HPSE2: variants seen among roughly 807,000 people sequenced by gnomAD.
HPSE2 encodes the protein heparanase 2 (inactive), also known as inactive heparanase-2.
Under a neutral mutation model 60.5 loss-of-function variants are expected in HPSE2, and 38 were observed. The ratio of observed to expected loss-of-function variants is 0.63; its 90% CI spans 0.48 to 0.82. The LOEUF (loss-of-function observed/expected upper bound fraction) is 0.82. Among genes scored for constraint, HPSE2 ranks in the 40% least tolerant of loss-of-function variants. HPSE2 has a pLI of 0.00. For synonymous variants in HPSE2, 295 were observed against 293.2 expected (o/e 1.01, Z -0.06); for missense variants, 713 against 740.4 (o/e 0.96, Z 0.43).
At chr10:98,608,498 C>T (rs1461989883) in intron 9 of HPSE2, among the ~76,000 whole-genome samples, 1 of 152,174 alleles carries the variant, frequency 6.6e-6, no homozygotes, top group Non-Finnish European at 1.5e-5. Context: ...AAAGAACTGC[C>T]TTCCTGTCAG....
At chr10:99,161,818 TGATAAA>T (rs909777609) in intron 2 of HPSE2, among the ~76,000 whole-genome samples, 13 of 152,002 alleles carry the variant, frequency 8.6e-5, no homozygotes, top group African/African-American at 3.1e-4. Flanking sequence ...AAACAAAATG[TGATAAA>T]GACATAAAGA....
intron 6 of HPSE2, among the ~76,000 whole-genome samples, chr10:98,683,641 A>G (rs918088201): frequency 1.3e-5 from 2 of 151,946 alleles, no homozygotes; most frequent in Admixed American, 1.3e-4. Context: ...ATCAGAAAAG[A>G]GAGGAAAAGT....
the HPSE2 span, among the ~76,000 whole-genome samples, chr10:99,271,993 C>T: frequency 6.6e-6 from 1 of 152,172 alleles, no homozygotes; most frequent in Non-Finnish European, 1.5e-5. Flanking sequence ...ATCAACACAC[C>T]TGGGTGCAGT....
chr10:98,531,445 G>A (rs1239116100), intron 9 of HPSE2, among the ~76,000 whole-genome samples: 6 of 152,170 alleles, frequency 3.9e-5, no homozygotes, highest in African/African-American at 1.4e-4. Context: ...CCACATCCAA[G>A]GGTGTCTTCC....
At chr10:98,623,080 T>C (rs1239018342) in intron 7 of HPSE2, among the ~76,000 whole-genome samples, 1 of 152,168 alleles carries the variant, frequency 6.6e-6, no homozygotes, top group Non-Finnish European at 1.5e-5. Flanking sequence ...TTACAGGATA[T>C]TTAATGTTTA....
chr10:98,651,569 AT>A (rs922214713), intron 6 of HPSE2, among the ~76,000 whole-genome samples: 1 of 151,782 alleles, frequency 6.6e-6, no homozygotes, highest in African/African-American at 2.4e-5. Flanking sequence ...AAAATATCGT[AT>A]TTTTTTTCCC....
At chr10:99,124,903 C>A (rs939043024) in intron 3 of HPSE2, among the ~76,000 whole-genome samples, 49 of 152,188 alleles carry the variant, frequency 3.2e-4, no homozygotes, top group African/African-American at 1.2e-3. Flanking sequence ...CTGTGCCTCC[C>A]AAACTGCAGC....
intron 6 of HPSE2, among the ~76,000 whole-genome samples, chr10:98,679,219 T>C (rs1316527386): frequency 1.3e-5 from 2 of 152,198 alleles, no homozygotes; most frequent in Non-Finnish European, 2.9e-5. Context: ...CAATTAGACC[T>C]GCAGATTCCC....
At chr10:98,751,430 G>A (rs1267539223) in intron 3 of HPSE2, among the ~76,000 whole-genome samples, 2 of 152,162 alleles carry the variant, frequency 1.3e-5, no homozygotes, top group Non-Finnish European at 2.9e-5. Context: ...GTTCAATACT[G>A]TTCTTTTCTT....
chr10:98,831,392 C>CTACG (rs1933096492), intron 3 of HPSE2, among the ~76,000 whole-genome samples: 1 of 152,254 alleles, frequency 6.6e-6, no homozygotes, highest in South Asian at 2.1e-4. Context: ...CTATGCTGTA[C>CTACG]TACGAATCAA....
At chr10:99,236,323 T>C (rs185935183), upstream of HPSE2, among the ~76,000 whole-genome samples, 1 of 152,144 alleles carries the variant, frequency 6.6e-6, no homozygotes, top group African/African-American at 2.4e-5. Flanking sequence ...CGTCCTTCCC[T>C]GAGAGGCTCT....
chr10:99,276,657 A>G, the HPSE2 span, among the ~76,000 whole-genome samples: 4 of 152,076 alleles, frequency 2.6e-5, no homozygotes, highest in African/African-American at 9.7e-5. Context: ...ATAAGCTGCT[A>G]TTAGTAATAG....
intron 3 of HPSE2, among the ~76,000 whole-genome samples, chr10:98,915,965 C>T (rs1954110267): frequency 6.6e-6 from 1 of 151,938 alleles, no homozygotes; most frequent in Non-Finnish European, 1.5e-5. Flanking sequence ...ACTTTTTTTT[C>T]CACATAGGAT....
At chr10:98,964,497 T>C (rs1955763631) in intron 3 of HPSE2, among the ~76,000 whole-genome samples, 1 of 152,122 alleles carries the variant, frequency 6.6e-6, no homozygotes, top group Non-Finnish European at 1.5e-5. Context: ...TTTGATTTCT[T>C]AATGCACCTT....
At chr10:98,779,200 T>C (rs1284914902) in intron 3 of HPSE2, among the ~76,000 whole-genome samples, 1 of 152,180 alleles carries the variant, frequency 6.6e-6, no homozygotes, top group Non-Finnish European at 1.5e-5. Flanking sequence ...TCATTTTCCA[T>C]CACCTGTTAG....
At chr10:98,974,280 C>T (rs1435807287) in intron 3 of HPSE2, among the ~76,000 whole-genome samples, 3 of 151,252 alleles carry the variant, frequency 2.0e-5, no homozygotes, top group African/African-American at 7.3e-5. Context: ...CACAGAGTGA[C>T]TCTGGAAAAA....
intron 5 of HPSE2, among the ~76,000 whole-genome samples, chr10:98,696,433 C>T (rs1481522880): frequency 6.6e-6 from 1 of 151,352 alleles, no homozygotes; most frequent in Non-Finnish European, 1.5e-5. Context: ...TGTGGTGCTG[C>T]AGCCCACCTG....
chr10:99,083,142 TTCAAGCATGTAAAGGGA>T (rs1360226470), intron 3 of HPSE2, among the ~76,000 whole-genome samples: 1 of 152,202 alleles, frequency 6.6e-6, no homozygotes, highest in Non-Finnish European at 1.5e-5. Context: ...AAGCCAAGCC[TTCAAGCATGTAAAGGGA>T]TATTACAGCT....
At position 98,459,557 on chromosome 10, in the gene HPSE2, G is replaced by A. The variant is rs10883099; in HGVS notation, c.*17C>T. On this transcript the variant is annotated 3_prime_UTR_variant, in exon 12 of 12. Coordinates refer to ENST00000370552, the MANE Select transcript of HPSE2 (RefSeq NM_021828.5). ...CAGCCCAGCAGGCCCACTGGTAGCC[G>A]TGAGTGTGAGGATAGCTTATCGGTA... 800,572 of 1,611,968 alleles carry A rather than the reference G, an allele frequency of 0.5. 200,666 individuals are homozygous for A. The highest frequency in any genetic ancestry group is 0.62 in the African/African-American group (46,425 of 74,876).
Sources: allele counts gnomAD v4.1 joint callset (sites outside exome capture counted in the v4.1 genomes callset), GRCh38; gene constraint gnomAD v4.1.1; transcripts MANE v1.5; gene names NCBI Gene and HGNC (gene_info 2026-07-23, HGNC 2026-07-21).